Variants in CC2D2A observed in about 807,000 individuals in gnomAD.
CC2D2A encodes the protein coiled-coil and C2 domain-containing protein 2A.
CC2D2A carries 155 observed loss-of-function variants against 212.9 expected under a neutral mutation model. The observed-to-expected ratio is 0.73, with a 90% CI of 0.64 to 0.83. The LOEUF is 0.83. CC2D2A is among the 40% of genes least tolerant of loss of function. CC2D2A has a pLI of 0.00. For missense variants in CC2D2A, 1,856 were observed against 1,956.2 expected (o/e 0.95, Z 0.97); for synonymous variants, 667 against 686.5 (o/e 0.97, Z 0.44).
chr4:15,540,989 A>G lies in CC2D2A; in HGVS notation c.2156A>G (p.Asn719Ser). Residue 719 changes from asparagine to serine, a missense_variant, in exon 17 of 37, where the codon AAC (asparagine) becomes AGC (serine). Asn to Ser is a conservative substitution (Grantham distance 46). Transcript: ENST00000424120. ...CAGATTTTCAATTTGCAAATAGTCA[A>G]CTGGCCGGAGAGTTTAACACTTCAG... Reference protein sequence around the residue: ...FGQIFNLQIVNWPESLTLQVY... With the variant: ...FGQIFNLQIVSWPESLTLQVY... 1 of 1,550,646 alleles carries G rather than the reference A, an allele frequency of 6.4e-7. No homozygotes were observed. Among genetic ancestry groups the G allele is most frequent in the Non-Finnish European group, 8.7e-7 (1 of 1,146,322 alleles).
chr4:15,587,424 T>C (rs1407530177), intron 31 of CC2D2A, among the ~76,000 whole-genome samples: 1 of 152,248 alleles, frequency 6.6e-6, no homozygotes, highest in African/African-American at 2.4e-5. Flanking sequence ...TATTAATCTG[T>C]ACCTCAACTT....
chr4:15,492,138 A>G (rs1281584666), intron 4 of CC2D2A, among the ~76,000 whole-genome samples: 2 of 152,186 alleles, frequency 1.3e-5, no homozygotes, highest in African/African-American at 2.4e-5. Flanking sequence ...TCCCCACCCC[A>G]TTAAATGGAC....
At chr4:15,483,791 G>T (rs557849799) in intron 4 of CC2D2A, among the ~76,000 whole-genome samples, 1 of 152,126 alleles carries the variant, frequency 6.6e-6, no homozygotes, top group Admixed American at 6.5e-5. Flanking sequence ...TGAATGCCTC[G>T]TGACCATCTC....
chr4:15,580,637 CAAAAAAAA>C (rs58107216), intron 30 of CC2D2A, among the ~76,000 whole-genome samples: 1 of 89,436 alleles, frequency 1.1e-5, no homozygotes, highest in South Asian at 3.8e-4. Flanking sequence ...GACTCTGTCT[CAAAAAAAA>C]AAAAAAAAAA....
chr4:15,541,774 CCCA>C (rs906440799), intron 17 of CC2D2A, among the ~76,000 whole-genome samples: 14 of 152,264 alleles, frequency 9.2e-5, no homozygotes, highest in African/African-American at 3.4e-4. Context: ...TAGCCTAAAT[CCCA>C]CCATTAGCAA....
intron 34 of CC2D2A, among the ~76,000 whole-genome samples, chr4:15,597,017 ATGT>A (rs34915384): frequency 0.2 from 30,904 of 152,022 alleles, 3,384 homozygotes; most frequent in Non-Finnish European, 0.25. Context: ...AAACAATAAA[ATGT>A]TGTTTAGGGG....
chr4:15,520,323 A>G (rs1009482616), intron 11 of CC2D2A, among the ~76,000 whole-genome samples: 3 of 152,354 alleles, frequency 2.0e-5, no homozygotes, highest in Middle Eastern at 3.4e-3. Context: ...ACAAGGGTAA[A>G]GATAAGTTCC....
chr4:15,478,360 C>T (rs1278289767), intron 2 of CC2D2A, among the ~76,000 whole-genome samples: 1 of 152,132 alleles, frequency 6.6e-6, no homozygotes, highest in Admixed American at 6.5e-5. Flanking sequence ...ACTTGTTAGT[C>T]GCCTTTCTTA....
chr4:15,511,272 A>C lies in CC2D2A; in HGVS notation c.566A>C (p.Glu189Ala). The change falls in exon 8 of 37, where the codon GAA (glutamate) becomes GCA (alanine). Residue 189 changes from glutamate (E) to alanine (A), a missense_variant. Coordinates refer to ENST00000424120, the MANE Select transcript of CC2D2A (RefSeq NM_001378615.1). The part of the protein sequence containing the change: ...PQVPPGFPSA[E>A]EAYNFFTFNF... ...GTTCCACCTGGCTTCCCTTCTGCAG[A>C]AGAGGCCTATAACTTCTTTACTTTC... 2 of 1,599,110 alleles carry C rather than the reference A, an allele frequency of 1.3e-6. No individual in the cohort carries two copies. Among genetic ancestry groups the C allele is most frequent in the Non-Finnish European group, 1.7e-6 (2 of 1,174,500 alleles).
In CC2D2A at chr4:15,538,099, C is replaced by T; in HGVS notation, c.1965C>T (p.Ser655=). ...AGCCCACGCTGGTCCCGGAGCTAAG[C>T]CTGGCAGGAAGCGTAACACCCAATG... The part of the protein sequence containing the change: ...PWEPTLVPEL[S]LAGSVTPNDQ... Residue 655 remains serine (S), a synonymous_variant, in exon 16 of 37, where the codon AGC becomes AGT. Transcript: ENST00000424120. 1 of 1,601,852 alleles carries T rather than the reference C, an allele frequency of 6.2e-7. No homozygotes were observed. The highest frequency in any genetic ancestry group is 1.1e-5 in the South Asian group (1 of 88,734).
At chr4:15,547,514 A>C (rs1577366105) in intron 17 of CC2D2A, among the ~76,000 whole-genome samples, 1 of 152,240 alleles carries the variant, frequency 6.6e-6, no homozygotes, top group East Asian at 1.9e-4. Context: ...TTTCTTACAT[A>C]AGATCAGCTT....
chr4:15,571,839 T>C (rs1222441828), intron 28 of CC2D2A, among the ~76,000 whole-genome samples: 2 of 152,338 alleles, frequency 1.3e-5, no homozygotes, highest in South Asian at 2.1e-4. Context: ...TTGTTTGGCA[T>C]TGCTAAATTT....
In CC2D2A at chr4:15,480,797, C is replaced by T. The variant is rs1219982149; in HGVS notation, c.217C>T (p.Leu73=). ...GCAGGAGGAGCCCAAGACCCGCCTC[C>T]TGAGTATGACAGTCCGGAGAGGCCC... is the stretch of plus-strand genomic sequence containing the variant. The part of the protein sequence containing the change: ...PVQEEPKTRL[L]SMTVRRGPRS... Residue 73 remains leucine, a synonymous_variant, in exon 4 of 37, where the codon CTG becomes TTG. Transcript: ENST00000424120. 2.5e-6 allele frequency: 4 copies of T among 1,613,344 alleles called. No individual in the cohort carries two copies. The South Asian group carries it at 3.3e-5, about 13-fold the overall frequency.
At chr4:15,571,660 T>C (rs1312214369) in intron 28 of CC2D2A, among the ~76,000 whole-genome samples, 1 of 151,618 alleles carries the variant, frequency 6.6e-6, no homozygotes, top group Non-Finnish European at 1.5e-5. Flanking sequence ...TTGGTTGGTA[T>C]CCCAAGAATC....
chr4:15,580,190 A>G lies in CC2D2A; in HGVS notation c.3975+19A>G, dbSNP rs758410900. The G allele has an allele frequency of 7.6e-6, 12 of 1,578,604 alleles. No individual in the cohort carries two copies. The highest frequency in any genetic ancestry group is 6.7e-5 in the African/African-American group (5 of 74,096). ...AACTGCAGTAAGTATTTCATAGTCA[A>G]TAAGTGCTGTGCTAAAACTGTTTTC... On this transcript the variant is annotated intron_variant, in intron 30 of 36. Coordinates refer to ENST00000424120, the MANE Select transcript of CC2D2A (RefSeq NM_001378615.1).
chr4:15,597,276 C>CA, intron 34 of CC2D2A, 131 bp from the exon 35 acceptor site: 1 of 708,972 alleles, frequency 1.4e-6, no homozygotes, highest in Non-Finnish European at 2.5e-6. Flanking sequence ...GTCATGGGTA[C>CA]ATCAGCATGC....
intron 6 of CC2D2A, among the ~76,000 whole-genome samples, chr4:15,505,914 G>A (rs1393222048): frequency 6.6e-6 from 1 of 152,142 alleles, no homozygotes; most frequent in Non-Finnish European, 1.5e-5. Context: ...TAAGAAATTG[G>A]TTTAGATTAT....
chr4:15,553,231 T>C lies in CC2D2A; in HGVS notation c.2412T>C (p.Ser804=), dbSNP rs1232133271. 4 of 1,612,926 alleles carry C rather than the reference T, an allele frequency of 2.5e-6. No homozygotes were observed. The African/African-American group carries it at 5.3e-5, about 22-fold the overall frequency. Residue 804 remains serine, a synonymous_variant, in exon 19 of 37, where the codon AGT becomes AGC. Transcript: ENST00000424120. ...TGACCTCAGGGAAAGTGTCTCATAG[T>C]GTGGCATGGGCCATTGGAGAAAACG... ...TLMTSGKVSH[S]VAWAIGENGI...
intron 29 of CC2D2A, chr4:15,576,390 C>G: frequency 1.0e-6 from 1 of 984,410 alleles, no homozygotes; most frequent in Non-Finnish European, 1.2e-6. Flanking sequence ...AGATTAGAGT[C>G]TCTCCTCTAC....
Sources: allele counts gnomAD v4.1 joint callset (sites outside exome capture counted in the v4.1 genomes callset), GRCh38; gene constraint gnomAD v4.1.1; transcripts MANE v1.5; gene names NCBI Gene and HGNC (gene_info 2026-07-23, HGNC 2026-07-21).